METTL21C: variants seen among roughly 807,000 people sequenced by gnomAD.
METTL21C encodes the protein protein-lysine methyltransferase METTL21C.
In METTL21C, 21 loss-of-function variants were observed where a neutral mutation model predicts 25.9. The observed-to-expected ratio is 0.81, with a 90% CI of 0.58 to 1.17. METTL21C has a LOEUF of 1.17. METTL21C is among the 50% of genes most tolerant of loss of function. METTL21C has a pLI of 0.00. For synonymous variants in METTL21C, 125 were observed against 124.7 expected (o/e 1.00, Z -0.01); for missense variants, 312 against 315.1 (o/e 0.99, Z 0.07).
chr13:102,704,207 A>G, the METTL21C span, among the ~76,000 whole-genome samples: 1 of 152,228 alleles, frequency 6.6e-6, no homozygotes, highest in African/African-American at 2.4e-5. Context: ...TGTGTTTCCC[A>G]GATGGATATT....
At chr13:102,688,582 C>T (rs551731855) in intron 2 of METTL21C, among the ~76,000 whole-genome samples, 8 of 152,194 alleles carry the variant, frequency 5.3e-5, no homozygotes, top group South Asian at 2.1e-4. Flanking sequence ...AACTGCAGCA[C>T]GCTGCAGGGA....
At chr13:102,697,438 A>C (rs1268418144), upstream of METTL21C, among the ~76,000 whole-genome samples, 2 of 152,106 alleles carry the variant, frequency 1.3e-5, no homozygotes, top group East Asian at 3.9e-4. Context: ...GCAAAGAATT[A>C]CCCAGCTCAG....
intron 2 of METTL21C, among the ~76,000 whole-genome samples, chr13:102,689,736 C>A (rs921751810): frequency 3.9e-5 from 6 of 152,224 alleles, no homozygotes; most frequent in South Asian, 2.1e-4. Context: ...CAGTCGGGAG[C>A]TTTACCACGC....
chr13:102,697,217 C>G (rs1019093175), upstream of METTL21C, among the ~76,000 whole-genome samples: 13 of 152,174 alleles, frequency 8.5e-5, no homozygotes, highest in Admixed American at 2.0e-4. Context: ...TCGCCTCTCT[C>G]TGTCAGGATG....
intron 2 of METTL21C, among the ~76,000 whole-genome samples, chr13:102,688,570 C>T (rs1255188421): frequency 1.3e-5 from 2 of 152,244 alleles, no homozygotes; most frequent in Admixed American, 1.3e-4. Context: ...ATAAATAGCA[C>T]CAACTGCAGC....
upstream of METTL21C, among the ~76,000 whole-genome samples, chr13:102,697,305 G>A (rs1482775985): frequency 2.6e-5 from 4 of 152,090 alleles, no homozygotes; most frequent in East Asian, 5.8e-4. Flanking sequence ...TCTTGCCAAG[G>A]GGACATTCAG....
At chr13:102,700,475 G>A in the METTL21C span, among the ~76,000 whole-genome samples, 1 of 152,114 alleles carries the variant, frequency 6.6e-6, no homozygotes, top group Non-Finnish European at 1.5e-5. Flanking sequence ...AAATCACAAC[G>A]GGTAACTGCC....
upstream of METTL21C, among the ~76,000 whole-genome samples, chr13:102,698,068 C>T (rs551551928): frequency 9.8e-5 from 15 of 152,338 alleles, no homozygotes; most frequent in African/African-American, 3.6e-4. Context: ...GATGCCGTTG[C>T]TCCTTTCCAG....
Position 102,685,868 on chromosome 13 carries a change from T to A in METTL21C, c.*163A>T. ...TTAACCAGATAATCTTAAATTATCT[T>A]AGAAATTAGAAAGTTTCTGCAGTAT... is the stretch of plus-strand genomic sequence containing the variant. On this transcript the variant is annotated 3_prime_UTR_variant, in exon 4 of 4. Coordinates refer to ENST00000267273, the MANE Select transcript of METTL21C (RefSeq NM_001010977.3). The A allele has an allele frequency of 1.7e-6, 1 of 591,832 alleles. No homozygotes were observed. Among genetic ancestry groups the A allele is most frequent in the Non-Finnish European group, 2.7e-6 (1 of 364,924 alleles). 36.7% of individuals were successfully genotyped at this position (591,832 alleles called of 1,614,324 possible).
At position 102,690,744 on chromosome 13, in the gene METTL21C, A is replaced by G; in HGVS notation, c.282+69T>C. The stretch of plus-strand genomic sequence containing the variant: ...ATGAAGGAACTTGACAAATTGTCCA[A>G]GGCAACTCTGAAGTACGGAATTGTT... On this transcript the variant is annotated intron_variant, in intron 2 of 3. Coordinates refer to ENST00000267273, the MANE Select transcript of METTL21C (RefSeq NM_001010977.3). 1.9e-6 allele frequency: 3 copies of G among 1,556,608 alleles called. No homozygotes were observed. In the South Asian group the frequency reaches 3.6e-5, roughly 19 times the overall value.
intron 2 of METTL21C, among the ~76,000 whole-genome samples, chr13:102,687,780 A>G (rs1885714692): frequency 6.6e-6 from 1 of 152,192 alleles, no homozygotes; most frequent in Admixed American, 6.5e-5. Context: ...GAGTAGTAGC[A>G]AGCAGATTTT....
rs1192118269 is a variant in METTL21C at position 102,694,433 on chromosome 13, A to T, written c.66T>A (p.Gly22=). ...CCTTCTTCTCAGCCTCTAACCAGCC[A>T]CCCGGGGAGCTGAGTCCTTCCCCCC... The part of the protein sequence containing the change: ...GRRGEGLSSP[G]GWLEAEKKGA... Residue 22 remains glycine (G), a synonymous_variant, in exon 1 of 4, where the codon GGT becomes GGA. Coordinates refer to ENST00000267273, the MANE Select transcript of METTL21C (RefSeq NM_001010977.3). The T allele has an allele frequency of 6.2e-7, 1 of 1,608,706 alleles. No individual in the cohort carries two copies. Among genetic ancestry groups the T allele is most frequent in the Non-Finnish European group, 8.5e-7 (1 of 1,177,840 alleles).
intron 1 of METTL21C, among the ~76,000 whole-genome samples, 175 bp downstream of exon 1, chr13:102,694,194 G>GA (rs1885893326): frequency 6.6e-6 from 1 of 151,936 alleles, no homozygotes; most frequent in Non-Finnish European, 1.5e-5. Flanking sequence ...AGTAAATAAT[G>GA]AAAAAACAGG....
In METTL21C at chr13:102,686,436, A is replaced by G; in HGVS notation, c.401-11T>C. ...CTGTGACTTGAGCTCCTAAGAGAAA[A>G]AGAAAACAATGACCTGGAAACATCT... On this transcript the variant is annotated splice_polypyrimidine_tract_variant and intron_variant, in intron 3 of 3. Transcript: ENST00000267273. 6.3e-7 allele frequency: 1 copy of G among 1,599,348 alleles called. No individual in the cohort carries two copies. Among genetic ancestry groups the G allele is most frequent in the Non-Finnish European group, 8.5e-7 (1 of 1,173,416 alleles).
Position 102,694,900 on chromosome 13 carries a change from T to TCTCTCTCTCACA in METTL21C, c.-403_-402insTGTGAGAGAGAG. Among the ~76,000 whole-genome samples the TCTCTCTCTCACA allele has an allele frequency of 7.4e-6, 1 of 135,580 alleles. No individual in the cohort carries two copies. The allele number at this position is 135,580 out of a possible 152,430, so 88.9% of individuals were successfully genotyped here. A position where few individuals can be genotyped will look rare whatever the true frequency, so the allele number is the denominator to read the frequency against. On this transcript the variant is annotated 5_prime_UTR_variant, in exon 1 of 4. The change abolishes the stop of an existing upstream ORF in the 5' untranslated region. Transcript: ENST00000267273. The stretch of plus-strand genomic sequence containing the variant: ...CTCTCTCTCTCTCTCTCTCTCTCTC[T>TCTCTCTCTCACA]CACACACACACACACACACACACAC...
chr13:102,700,228 C>G, the METTL21C span, among the ~76,000 whole-genome samples: 1 of 152,158 alleles, frequency 6.6e-6, no homozygotes. Context: ...CATTCGAGCC[C>G]CAGGCTTCAC....
intron 3 of METTL21C, 151 bp downstream of exon 3, chr13:102,686,789 C>T: frequency 1.6e-6 from 1 of 644,642 alleles, no homozygotes; most frequent in South Asian, 1.9e-5. Flanking sequence ...CTGTAGATAA[C>T]AGCAGTAATT....
intron 1 of METTL21C, 128 bp downstream of exon 1, chr13:102,694,241 G>A (rs978339751): frequency 4.8e-6 from 5 of 1,036,794 alleles, no homozygotes; most frequent in Non-Finnish European, 7.0e-6. Flanking sequence ...TTTCTGCTAA[G>A]CTTCATTATA....
intron 2 of METTL21C, among the ~76,000 whole-genome samples, 168 bp from the exon 3 acceptor site, chr13:102,687,225 TAAA>T (rs946867635): frequency 2.6e-5 from 4 of 152,180 alleles, no homozygotes; most frequent in Non-Finnish European, 4.4e-5. Flanking sequence ...ACCTCTGAAA[TAAA>T]GAAGTTATAA....
Sources: allele counts gnomAD v4.1 joint callset (sites outside exome capture counted in the v4.1 genomes callset), GRCh38; gene constraint gnomAD v4.1.1; transcripts MANE v1.5; gene names NCBI Gene and HGNC (gene_info 2026-07-23, HGNC 2026-07-21).